ARHGEF10: variants seen among roughly 807,000 people sequenced by gnomAD.
The protein encoded by ARHGEF10 is Rho guanine nucleotide exchange factor (GEF) 10.
ARHGEF10 carries 140 observed loss-of-function variants against 147.4 expected under a neutral mutation model. The observed-to-expected ratio is 0.95, with a 90% CI of 0.83 to 1.09. The LOEUF is 1.09. Ranked by LOEUF, ARHGEF10 falls within the 50% of genes least tolerant of loss-of-function variation. The probability of loss-of-function intolerance (pLI) is 0.00; values close to 1 mark genes in which losing one functional copy is unlikely to be tolerated. For missense variants in ARHGEF10, 2,222 were observed against 1,752.7 expected (o/e 1.27, Z -4.78); for synonymous variants, 902 against 695.8 (o/e 1.30, Z -4.67).
At chr8:1,842,869 T>C (rs2129051029) in intron 1 of ARHGEF10, among the ~76,000 whole-genome samples, 1 of 152,236 alleles carries the variant, frequency 6.6e-6, no homozygotes, top group South Asian at 2.1e-4. Context: ...GTTAGCCACA[T>C]GCTTACCAAA....
Position 1,889,050 on chromosome 8 carries a change from G to A in ARHGEF10, c.1182+3343G>A, listed in dbSNP as rs995139689. 6.5e-5 allele frequency among the ~76,000 whole-genome samples: 7 copies of A among 107,844 alleles called. 2 individuals are homozygous for A. The highest frequency in any genetic ancestry group is 2.7e-4 in the African/African-American group (7 of 26,212). 70.7% of individuals were successfully genotyped at this position (107,844 alleles called of 152,430 possible). ...TGTGAGGAAACATGGAGTGGGGTGC[G>A]GGTCATGAGGAGACAGTGATTGGGG... On this transcript the variant is annotated intron_variant, in intron 11 of 28. Transcript: ENST00000349830.
intron 2 of ARHGEF10, among the ~76,000 whole-genome samples, chr8:1,849,669 GTGGCC>G (rs2129058055): frequency 7.6e-6 from 1 of 131,832 alleles, no homozygotes; most frequent in East Asian, 2.8e-4. Flanking sequence ...AGGGCGTGGG[GTGGCC>G]ACGTGGGCAT....
At chr8:1,869,472 C>G (rs1477611844) in intron 7 of ARHGEF10, 1 of 665,322 alleles carries the variant, frequency 1.5e-6, no homozygotes, top group Non-Finnish European at 2.7e-6. Context: ...TCTTACTTAT[C>G]CCAAGCAAAC....
chr8:1,945,449 G>A (rs762041568), intron 26 of ARHGEF10, 32 bp from the exon 27 acceptor site: 13 of 1,560,756 alleles, frequency 8.3e-6, no homozygotes, highest in Non-Finnish European at 1.0e-5. Flanking sequence ...TCACTCCACG[G>A]GGCTAGCAGA....
At chr8:1,919,324 G>A (rs1413706156) in intron 18 of ARHGEF10, among the ~76,000 whole-genome samples, 1 of 149,772 alleles carries the variant, frequency 6.7e-6, no homozygotes, top group Non-Finnish European at 1.5e-5. Context: ...TTCTGTCAGT[G>A]ATGGAGCTGT....
chr8:1,937,516 A>G lies in ARHGEF10; in HGVS notation c.3222+3574A>G, dbSNP rs1010140518. On this transcript the variant is annotated intron_variant, in intron 26 of 28. Transcript: ENST00000349830. This position sits in a 1 kb window ranked among gnomAD's most constrained non-coding sequence, Gnocchi z 4.9. ...AATCTCGAAGACTCAGAGAGAAGCAATGTGTTTGGATCCAGATATAGGGCT... is the reference window on the plus strand; with the variant it reads ...AATCTCGAAGACTCAGAGAGAAGCAGTGTGTTTGGATCCAGATATAGGGCT... Among the ~76,000 whole-genome samples the G allele has an allele frequency of 8.5e-5, 13 of 152,336 alleles. No individual in the cohort carries two copies. The highest frequency in any genetic ancestry group is 1.9e-4 in the East Asian group (1 of 5,188).
At chr8:1,887,130 T>C (rs1343776156) in intron 11 of ARHGEF10, among the ~76,000 whole-genome samples, 1 of 152,242 alleles carries the variant, frequency 6.6e-6, no homozygotes, top group Non-Finnish European at 1.5e-5. Flanking sequence ...GGGGTACCTA[T>C]TCTGGTGAGG....
chr8:1,906,404 C>T (rs1293906598), intron 17 of ARHGEF10, among the ~76,000 whole-genome samples: 1 of 152,190 alleles, frequency 6.6e-6, no homozygotes, highest in African/African-American at 2.4e-5. Context: ...TTGAAGTCAT[C>T]CACACGGGAA....
chr8:1,893,024 A>T (rs1809673346), intron 11 of ARHGEF10, among the ~76,000 whole-genome samples: 1 of 149,692 alleles, frequency 6.7e-6, no homozygotes, highest in Non-Finnish European at 1.5e-5. Context: ...CCTCTAAGTG[A>T]CATGAATAAT....
At chr8:1,895,765 G>T (rs1809920029) in intron 13 of ARHGEF10, among the ~76,000 whole-genome samples, 1 of 152,326 alleles carries the variant, frequency 6.6e-6, no homozygotes, top group Non-Finnish European at 1.5e-5. Flanking sequence ...GAATAACATG[G>T]AGTGATTTTT....
intron 18 of ARHGEF10, among the ~76,000 whole-genome samples, chr8:1,913,212 C>T (rs12545805): frequency 2.0e-5 from 3 of 151,958 alleles, no homozygotes; most frequent in African/African-American, 4.8e-5. Flanking sequence ...ATCAGTTGCT[C>T]TAGCCGGGCT....
intron 15 of ARHGEF10, among the ~76,000 whole-genome samples, chr8:1,899,398 A>C (rs6990473): frequency 0.16 from 23,699 of 152,202 alleles, 2,307 homozygotes; most frequent in African/African-American, 0.27. Context: ...CTTTGCTTGG[A>C]CTGCCTGCTT....
At chr8:1,883,733 G>A (rs948595682) in intron 10 of ARHGEF10, among the ~76,000 whole-genome samples, 1 of 152,110 alleles carries the variant, frequency 6.6e-6, no homozygotes, top group Admixed American at 6.5e-5. Flanking sequence ...GGTGCCATGA[G>A]GTGCTCAGGG....
At chr8:1,849,102 T>G (rs1563171356) in intron 2 of ARHGEF10, among the ~76,000 whole-genome samples, 1 of 152,226 alleles carries the variant, frequency 6.6e-6, no homozygotes. Flanking sequence ...AGAGGGTAAC[T>G]AAATTTTAAA....
rs377262386 is a variant in ARHGEF10, at chr8:1,957,086, G to A, written c.3858G>A (p.Lys1286=). ...ACAGCACCATCTATGATCTCCTGAA[G>A]GATCCTGTCTCGCTGAGAAGCAAAG... ...SEDSTIYDLL[K]DPVSLRSKAR... is the part of the protein sequence containing the mutation. Residue 1286 remains lysine (K), a synonymous_variant, in exon 29 of 29, where the codon AAG becomes AAA. Transcript: ENST00000349830. 1.9e-6 allele frequency: 3 copies of A among 1,613,440 alleles called. No individual in the cohort carries two copies. In the African/African-American group the frequency reaches 4.0e-5, roughly 22 times the overall value.
intron 1 of ARHGEF10, among the ~76,000 whole-genome samples, chr8:1,833,475 C>T (rs1803392495): frequency 1.3e-5 from 2 of 151,910 alleles, no homozygotes; most frequent in Admixed American, 1.3e-4. Context: ...GGGGCAGAGA[C>T]AGGGGCAGGC....
rs1172654547 is a variant in ARHGEF10 at position 1,823,999 on chromosome 8, CGCGGGGGACG to C, written c.-155_-146del. ...ACGGGGTCGCGGGGGACGCGGGGGA[CGCGGGGGACG>C]GCGGGGAACGGCGGGGGACGGCGGG... On this transcript the variant is annotated 5_prime_UTR_variant, in exon 1 of 29. Transcript: ENST00000349830. 2.1e-4 allele frequency: 17 copies of C among 79,392 alleles called. No individual in the cohort carries two copies. The East Asian group carries it at 5.6e-3, about 26-fold the overall frequency. 4.9% of individuals were successfully genotyped at this position (79,392 alleles called of 1,614,324 possible). A position where few individuals can be genotyped will look rare whatever the true frequency, so the allele number is the denominator to read the frequency against.
At chr8:1,897,499 C>G (rs1810089086) in intron 14 of ARHGEF10, among the ~76,000 whole-genome samples, 2 of 149,598 alleles carry the variant, frequency 1.3e-5, no homozygotes, top group East Asian at 3.9e-4. Context: ...AGTTCCCCCT[C>G]TGGACAGCTG....
chr8:1,843,241 T>C lies in ARHGEF10; in HGVS notation c.-47-112T>C, dbSNP rs1397428217. The stretch of plus-strand genomic sequence containing the variant: ...TGGTGAGTCTTCTAATTATGGCTAG[T>C]AATGACAGTTAGCTCTTCCTTTTTG... On this transcript the variant is annotated intron_variant, in intron 1 of 28. Transcript: ENST00000349830. 4.0e-6 allele frequency: 3 copies of C among 747,832 alleles called. No homozygotes were observed. In the African/African-American group the frequency reaches 5.2e-5, roughly 13 times the overall value. 46.3% of individuals were successfully genotyped at this position (747,832 alleles called of 1,614,324 possible). A position where few individuals can be genotyped will look rare whatever the true frequency, so the allele number is the denominator to read the frequency against.
Sources: gnomAD v4.1 joint callset for allele counts (sites outside exome capture counted in the v4.1 genomes callset) on GRCh38, gnomAD v4.1.1 for gene constraint, Gnocchi (gnomAD v3.1) non-coding constraint, MANE v1.5 for transcripts, NCBI Gene and HGNC (gene_info 2026-07-23, HGNC 2026-07-21) for gene names.